The following SORL1 variants were observed in gnomAD, a reference collection of about 807,000 sequenced individuals.
The protein encoded by SORL1 is sortilin related receptor 1.
SORL1 carries 127 observed loss-of-function variants against 273.7 expected under a neutral mutation model. The ratio of observed to expected loss-of-function variants is 0.46; its 90% confidence interval spans 0.40 to 0.54. The LOEUF (loss-of-function observed/expected upper bound fraction) is 0.54. Ranked by LOEUF, SORL1 falls within the 20% of genes least tolerant of loss-of-function variation. The pLI is 0.00. For synonymous variants in SORL1, 1,031 were observed against 1,067.4 expected (o/e 0.97, Z 0.66); for missense variants, 2,494 against 2,846.1 (o/e 0.88, Z 2.81).
chr11:121,629,731 G>A lies in SORL1; in HGVS notation c.*168G>A, dbSNP rs1863848528. ...GGAAAGAAAGGAATGAATAAACTTT[G>A]TAGTAATCAACTGTGAACTTCAAAC... On this transcript the variant is annotated 3_prime_UTR_variant, in exon 48 of 48. Coordinates refer to ENST00000260197, the MANE Select transcript of SORL1 (RefSeq NM_003105.6). 2 of 590,224 alleles carry A rather than the reference G, an allele frequency of 3.4e-6. No individual in the cohort carries two copies. Among genetic ancestry groups the A allele is most frequent in the Non-Finnish European group, 6.0e-6 (2 of 335,002 alleles). The allele number at this position is 590,224 out of a possible 1,614,324, so 36.6% of individuals were successfully genotyped here. A position where few individuals can be genotyped will look rare whatever the true frequency, so the allele number is the denominator to read the frequency against.
intron 42 of SORL1, among the ~76,000 whole-genome samples, 175 bp from the exon 43 acceptor site, chr11:121,619,578 C>T (rs976462279): frequency 6.6e-6 from 1 of 152,118 alleles, no homozygotes; most frequent in African/African-American, 2.4e-5. Flanking sequence ...AAACTCTTAC[C>T]AGTGGTACCT....
chr11:121,557,228 G>C, intron 18 of SORL1, 86 bp from the exon 19 acceptor site: 1 of 968,950 alleles, frequency 1.0e-6, no homozygotes, highest in East Asian at 2.4e-5. Flanking sequence ...CATGTCTGTA[G>C]CAGAAGCTGA....
At chr11:121,508,277 C>T (rs963265865) in intron 6 of SORL1, among the ~76,000 whole-genome samples, 2 of 152,174 alleles carry the variant, frequency 1.3e-5, no homozygotes, top group African/African-American at 4.8e-5. Flanking sequence ...AGCATACTCA[C>T]GGCTCTTATG....
chr11:121,548,482 G>C (rs889162847), intron 14 of SORL1, among the ~76,000 whole-genome samples: 1 of 152,224 alleles, frequency 6.6e-6, no homozygotes, highest in African/African-American at 2.4e-5. Context: ...TGTGGATTAT[G>C]ATATAATGCA....
chr11:121,548,543 T>G (rs1355151379), intron 14 of SORL1, among the ~76,000 whole-genome samples: 1 of 152,204 alleles, frequency 6.6e-6, no homozygotes, highest in East Asian at 1.9e-4. Context: ...CAGAAATGTT[T>G]AATGAATATT....
chr11:121,542,214 C>T (rs564184200), intron 12 of SORL1, among the ~76,000 whole-genome samples: 4 of 152,334 alleles, frequency 2.6e-5, no homozygotes, highest in African/African-American at 9.6e-5. Context: ...GCCATTCTCA[C>T]ACCTAAGAAA....
chr11:121,513,506 G>A (rs914050553), intron 7 of SORL1, among the ~76,000 whole-genome samples: 41 of 152,272 alleles, frequency 2.7e-4, no homozygotes, highest in African/African-American at 7.5e-4. Context: ...GAAACAGGCT[G>A]GAGAGACTAA....
At chr11:121,543,468 C>A in intron 12 of SORL1, 80 bp from the exon 13 acceptor site, 1 of 1,181,742 alleles carries the variant, frequency 8.5e-7, no homozygotes. Flanking sequence ...GGTTCCTGTT[C>A]CTGGTGAATG....
rs1863698306 is a variant in SORL1, at chr11:121,619,935, C to T, written c.5889+18C>T. 1 of 1,607,664 alleles carries T rather than the reference C, an allele frequency of 6.2e-7. No homozygotes were observed. Among genetic ancestry groups the T allele is most frequent in the African/African-American group, 1.3e-5 (1 of 74,764 alleles). On this transcript the variant is annotated intron_variant, in intron 43 of 47. Coordinates refer to ENST00000260197, the MANE Select transcript of SORL1 (RefSeq NM_003105.6). ...AGGACTTGGTGAGTGGGTTGGGCTT[C>T]CAGGCCTCTTTGTTTATTCCTGGCC...
chr11:121,459,379 A>C (rs878857306), intron 1 of SORL1, among the ~76,000 whole-genome samples: 1 of 152,096 alleles, frequency 6.6e-6, no homozygotes, highest in Non-Finnish European at 1.5e-5. Context: ...CAGGGCAATA[A>C]AAGCAAGAGT....
chr11:121,517,006 C>T (rs4641486), intron 8 of SORL1, among the ~76,000 whole-genome samples: 1 of 151,890 alleles, frequency 6.6e-6, no homozygotes, highest in African/African-American at 2.4e-5. Flanking sequence ...GAGCCAAGAT[C>T]GTGCTACTGC....
At chr11:121,621,363 A>G (rs1401171485) in intron 44 of SORL1, 125 bp downstream of exon 44, 13 of 831,310 alleles carry the variant, frequency 1.6e-5, no homozygotes, top group Admixed American at 5.4e-5. Context: ...CTGCCCTTCA[A>G]TATTCCTACA....
chr11:121,504,949 A>G (rs987699256), intron 6 of SORL1, among the ~76,000 whole-genome samples: 4 of 152,112 alleles, frequency 2.6e-5, no homozygotes, highest in African/African-American at 9.7e-5. Context: ...TGCAATGATC[A>G]TATGTTTCTT....
chr11:121,619,827 T>G lies in SORL1; in HGVS notation c.5799T>G (p.Leu1933=), dbSNP rs1863695947. The stretch of plus-strand genomic sequence containing the variant: ...TGAAGATGATCCCGGACAGCAGGCT[T>G]CCACCCCGTCACCTGCATGTGGTTC... ...VVVKMIPDSR[L]PPRHLHVVHT... is the part of the protein sequence containing the mutation. Residue 1933 remains leucine (L), a synonymous_variant, in exon 43 of 48, where the codon CTT becomes CTG. Transcript: ENST00000260197. The G allele has an allele frequency of 1.2e-6, 2 of 1,613,864 alleles. No homozygotes were observed. Among genetic ancestry groups the G allele is most frequent in the Non-Finnish European group, 1.7e-6 (2 of 1,179,824 alleles).
Position 121,604,340 on chromosome 11 carries a change from C to G in SORL1, c.4651+16C>G. 7 of 1,142,586 alleles carry G rather than the reference C, an allele frequency of 6.1e-6. No individual in the cohort carries two copies. Among genetic ancestry groups the G allele is most frequent in the East Asian group, 3.4e-5 (1 of 29,794 alleles). 70.8% of individuals were successfully genotyped at this position (1,142,586 alleles called of 1,614,324 possible). ...GCCTGCAGTGGTGAGTGCCGGTCCA[C>G]GGGCTGGGCTGGGCTGGGCTGGGCT... On this transcript the variant is annotated intron_variant, in intron 33 of 47. Transcript: ENST00000260197.
intron 24 of SORL1, chr11:121,576,740 G>A (rs373739572): frequency 1.8e-5 from 26 of 1,454,674 alleles, no homozygotes; most frequent in South Asian, 1.4e-4. Context: ...GCATCCACCC[G>A]TGTCCCTGGA....
At position 121,561,880 on chromosome 11, in the gene SORL1, A is replaced by G. The variant is rs970922117; in HGVS notation, c.3049+2223A>G. Among the ~76,000 whole-genome samples the G allele has an allele frequency of 2.6e-5, 4 of 152,086 alleles. No homozygotes were observed. The South Asian group carries it at 6.2e-4, about 24-fold the overall frequency. ...TGAGCAGGATACTTCCAGGAGACCT[A>G]CTGCCTCCAAACACAGGGCTGGAGA... On this transcript the variant is annotated intron_variant, in intron 21 of 47. Coordinates refer to ENST00000260197, the MANE Select transcript of SORL1 (RefSeq NM_003105.6).
intron 9 of SORL1, 21 bp downstream of exon 9, chr11:121,520,870 T>C (rs749067804): frequency 9.1e-6 from 14 of 1,543,050 alleles, no homozygotes; most frequent in Non-Finnish European, 5.2e-6. Flanking sequence ...TTTAATCTTC[T>C]TTTGCTTTTT....
At chr11:121,619,491 G>A (rs182202867) in intron 42 of SORL1, among the ~76,000 whole-genome samples, 2 of 152,276 alleles carry the variant, frequency 1.3e-5, no homozygotes, top group African/African-American at 2.4e-5. Flanking sequence ...ATATACACGT[G>A]CATATATGTG....
Sources: allele counts gnomAD v4.1 joint callset (sites outside exome capture counted in the v4.1 genomes callset), GRCh38; gene constraint gnomAD v4.1.1; transcripts MANE v1.5; gene names NCBI Gene and HGNC (gene_info 2026-07-23, HGNC 2026-07-21).